The following FRYL variants were observed in gnomAD, a reference collection of about 807,000 sequenced individuals.
FRYL encodes the protein FRY like transcription coactivator.
Under a neutral mutation model 351.2 loss-of-function variants are expected in FRYL, and 150 were observed. The observed-to-expected ratio is 0.43, with a 90% CI of 0.37 to 0.49. The LOEUF (loss-of-function observed/expected upper bound fraction) is 0.49, where lower values mean the gene tolerates loss of function less well. FRYL is among the 20% of genes least tolerant of loss of function. FRYL has a pLI of 0.00. For synonymous variants in FRYL, 1,153 were observed against 1,257.1 expected (o/e 0.92, Z 1.75); for missense variants, 3,036 against 3,619.3 (o/e 0.84, Z 4.13).
chr4:48,777,964 T>C (rs1386628356), intron 1 of FRYL, among the ~76,000 whole-genome samples: 5 of 152,094 alleles, frequency 3.3e-5, no homozygotes, highest in Non-Finnish European at 5.9e-5. Context: ...AGCAGAAGGA[T>C]CGCTTGAGGC....
At chr4:48,702,715 C>T (rs369876678) in intron 2 of FRYL, among the ~76,000 whole-genome samples, 4 of 140,034 alleles carry the variant, frequency 2.9e-5, no homozygotes, top group Non-Finnish European at 3.0e-5. Context: ...GAGAGGAGAT[C>T]GGGCCACTGC....
chr4:48,767,003 A>G (rs1379169847), intron 1 of FRYL, among the ~76,000 whole-genome samples: 5 of 147,764 alleles, frequency 3.4e-5, no homozygotes, highest in East Asian at 1.9e-4. Context: ...TATATATTAT[A>G]TATTTTATAT....
chr4:48,499,982 T>C, intron 63 of FRYL, 48 bp downstream of exon 63: 1 of 1,282,232 alleles, frequency 7.8e-7, no homozygotes, highest in East Asian at 2.4e-5. Flanking sequence ...ATTACTAAAC[T>C]TCCTGTCTAA....
intron 4 of FRYL, among the ~76,000 whole-genome samples, chr4:48,629,357 GATGGGAGAGGAGGTGAA>G (rs1233625439): frequency 2.6e-5 from 4 of 152,174 alleles, no homozygotes; most frequent in African/African-American, 9.6e-5. Context: ...GAACAAAAAG[GATGGGAGAGGAGGTGAA>G]AAGCAGATGA....
chr4:48,509,990 C>T (rs1460726372), intron 59 of FRYL, 69 bp downstream of exon 59: 1 of 1,022,006 alleles, frequency 9.8e-7, no homozygotes, highest in Non-Finnish European at 1.5e-6. Flanking sequence ...CTGGGCTATT[C>T]TGCTGCCAGG....
chr4:48,501,411 C>CT (rs1161042687), intron 62 of FRYL, among the ~76,000 whole-genome samples: 1 of 152,160 alleles, frequency 6.6e-6, no homozygotes, highest in East Asian at 1.9e-4. Flanking sequence ...CCTTTAAGGT[C>CT]TTGAACCTTT....
chr4:48,550,512 A>C, intron 38 of FRYL, 80 bp downstream of exon 38: 1 of 853,970 alleles, frequency 1.2e-6, no homozygotes, highest in Non-Finnish European at 1.9e-6. Flanking sequence ...TTTACTGAAA[A>C]TATATATTTA....
At position 48,614,890 on chromosome 4, in the gene FRYL, G is replaced by A. The variant is rs1464535122; in HGVS notation, c.411+4384C>T. On this transcript the variant is annotated intron_variant, in intron 7 of 63. Coordinates refer to ENST00000358350, the MANE Select transcript of FRYL (RefSeq NM_015030.2). ...CTCCCAGGTTGGAGTGCAGTGGCGC[G>A]ATCTCGGCTCACTGCAAGCTCCGCC... is the stretch of plus-strand genomic sequence containing the variant. 1.2e-4 allele frequency among the ~76,000 whole-genome samples: 15 copies of A among 123,026 alleles called. No individual in the cohort carries two copies. In the East Asian group the frequency reaches 2.5e-3, roughly 20 times the overall value. The allele number at this position is 123,026 out of a possible 152,430, so 80.7% of individuals were successfully genotyped here. A position where few individuals can be genotyped will look rare whatever the true frequency, so the allele number is the denominator to read the frequency against.
intron 3 of FRYL, chr4:48,646,111 T>C (rs1756410127): frequency 6.6e-6 from 1 of 152,236 alleles, no homozygotes. Flanking sequence ...CAAATGTAAG[T>C]CTGTATTTGT....
chr4:48,529,075 C>T (rs1372702376), intron 50 of FRYL, among the ~76,000 whole-genome samples: 2 of 152,196 alleles, frequency 1.3e-5, no homozygotes, highest in African/African-American at 4.8e-5. Flanking sequence ...TGAGCTTGCT[C>T]TTGTTTTCCA....
chr4:48,623,061 G>A, intron 5 of FRYL, 65 bp downstream of exon 5: 1 of 902,630 alleles, frequency 1.1e-6, no homozygotes, highest in Non-Finnish European at 1.7e-6. Flanking sequence ...GAATACATTT[G>A]GGCCAGACTA....
chr4:48,632,087 A>C (rs1470054836), intron 4 of FRYL, among the ~76,000 whole-genome samples: 4 of 21,508 alleles, frequency 1.9e-4, no homozygotes, highest in African/African-American at 4.2e-4. Context: ...AAAAAAAAAA[A>C]AAAAATATAT....
chr4:48,555,900 T>A (rs1298927487), intron 35 of FRYL, among the ~76,000 whole-genome samples: 3 of 152,192 alleles, frequency 2.0e-5, no homozygotes, highest in African/African-American at 7.2e-5. Flanking sequence ...TTATTTATTT[T>A]TATTTTATTT....
chr4:48,758,491 T>C (rs1037080335), intron 1 of FRYL, among the ~76,000 whole-genome samples: 12 of 151,994 alleles, frequency 7.9e-5, no homozygotes, highest in Admixed American at 3.3e-4. Flanking sequence ...TGCTCACCAT[T>C]ACTGGCCATC....
At chr4:48,610,998 G>C (rs1264982306) in intron 7 of FRYL, among the ~76,000 whole-genome samples, 2 of 151,536 alleles carry the variant, frequency 1.3e-5, no homozygotes, top group Non-Finnish European at 2.9e-5. Flanking sequence ...GAGTTCCACA[G>C]GAAAGACTCT....
intron 29 of FRYL, 32 bp downstream of exon 29, chr4:48,565,499 A>G (rs779944056): frequency 6.6e-7 from 1 of 1,508,350 alleles, no homozygotes; most frequent in South Asian, 1.3e-5. Context: ...TCTGCTCTTA[A>G]GAAAAAAGAA....
intron 1 of FRYL, among the ~76,000 whole-genome samples, chr4:48,761,897 A>T (rs1774456775): frequency 6.6e-6 from 1 of 152,184 alleles, no homozygotes. Context: ...CATTTCTCAG[A>T]ATGTATCCCC....
At chr4:48,733,539 G>C (rs1368102887) in intron 1 of FRYL, among the ~76,000 whole-genome samples, 2 of 151,524 alleles carry the variant, frequency 1.3e-5, no homozygotes, top group South Asian at 4.2e-4. Context: ...AACAAGTGAA[G>C]GTAAATTAAA....
In FRYL at chr4:48,586,743, A is replaced by T; in HGVS notation, c.1641-15T>A. On this transcript the variant is annotated splice_polypyrimidine_tract_variant and intron_variant, in intron 18 of 63. Transcript: ENST00000358350. Reference sequence around the variant, plus strand: ...TTCTTTCCCCCCTGAAAAATACAACAGGATTTAATAAGAAACATATTACAT... The same window carrying T: ...TTCTTTCCCCCCTGAAAAATACAACTGGATTTAATAAGAAACATATTACAT... 6.6e-7 allele frequency: 1 copy of T among 1,512,858 alleles called. No individual in the cohort carries two copies. The highest frequency in any genetic ancestry group is 2.3e-5 in the East Asian group (1 of 44,002). 93.7% of individuals were successfully genotyped at this position (1,512,858 alleles called of 1,614,324 possible).
Sources: allele counts gnomAD v4.1 joint callset (sites outside exome capture counted in the v4.1 genomes callset), GRCh38; gene constraint gnomAD v4.1.1; transcripts MANE v1.5; gene names NCBI Gene and HGNC (gene_info 2026-07-23, HGNC 2026-07-21).